The following DSCAM variants were observed in gnomAD, a reference collection of about 807,000 sequenced individuals.
The protein encoded by DSCAM is DS cell adhesion molecule.
A neutral mutation model predicts 217.7 loss-of-function variants in DSCAM; 47 were observed. That is an observed-to-expected ratio of 0.22 (90% CI 0.17 to 0.28). DSCAM has a LOEUF of 0.28. Ranked by LOEUF, DSCAM falls within the 10% of genes least tolerant of loss-of-function variation. The pLI is 1.00. For synonymous variants in DSCAM, 1,056 were observed against 1,015.3 expected, an observed-to-expected ratio of 1.04 and a Z score of -0.76; for missense variants, 2,080 against 2,618.3, an observed-to-expected ratio of 0.79 and a Z score of 4.49.
chr21:40,336,137 G>A (rs889991202), intron 8 of DSCAM, among the ~76,000 whole-genome samples: 1 of 152,254 alleles, frequency 6.6e-6, no homozygotes, highest in Admixed American at 6.5e-5. Flanking sequence ...CTCCTGAGCA[G>A]CACGGCTATT....
At chr21:40,419,787 T>C (rs943796170) in intron 3 of DSCAM, among the ~76,000 whole-genome samples, 2 of 152,300 alleles carry the variant, frequency 1.3e-5, no homozygotes, top group African/African-American at 4.8e-5. Context: ...ATCATCACCA[T>C]GTATAAAGTC....
intron 3 of DSCAM, among the ~76,000 whole-genome samples, chr21:40,408,781 A>T (rs1412969480): frequency 1.3e-5 from 2 of 152,208 alleles, no homozygotes; most frequent in Non-Finnish European, 2.9e-5. Context: ...TCACATGTGC[A>T]GTGCAGTCAC....
At chr21:40,243,873 G>A (rs2073186817) in intron 11 of DSCAM, among the ~76,000 whole-genome samples, 1 of 152,168 alleles carries the variant, frequency 6.6e-6, no homozygotes, top group Admixed American at 6.5e-5. Context: ...CCGGGGCAGT[G>A]ATCCACACAG....
intron 19 of DSCAM, among the ~76,000 whole-genome samples, 182 bp downstream of exon 19, chr21:40,133,672 A>T (rs1402584441): frequency 6.6e-6 from 1 of 152,220 alleles, no homozygotes; most frequent in Non-Finnish European, 1.5e-5. Flanking sequence ...GCAATGGATT[A>T]GACACATCAA....
At chr21:40,717,608 G>A (rs1199295702) in intron 1 of DSCAM, among the ~76,000 whole-genome samples, 1 of 152,188 alleles carries the variant, frequency 6.6e-6, no homozygotes, top group Non-Finnish European at 1.5e-5. Flanking sequence ...GTCCAGAAGA[G>A]GGAGATCTGT....
chr21:40,819,610 C>A (rs929609421), intron 1 of DSCAM, among the ~76,000 whole-genome samples: 6 of 152,140 alleles, frequency 3.9e-5, no homozygotes, highest in African/African-American at 1.4e-4. Context: ...TCATTGTGGG[C>A]CAAGCTGTTG....
intron 1 of DSCAM, among the ~76,000 whole-genome samples, chr21:40,739,565 A>G (rs2091100971): frequency 6.6e-6 from 1 of 152,116 alleles, no homozygotes; most frequent in Admixed American, 6.5e-5. Flanking sequence ...CTCTTCTTAT[A>G]AGGATGCCAG....
At chr21:40,128,139 C>G (rs1015358307) in intron 19 of DSCAM, among the ~76,000 whole-genome samples, 1 of 150,932 alleles carries the variant, frequency 6.6e-6, no homozygotes, top group Non-Finnish European at 1.5e-5. Flanking sequence ...GGTGATCTAT[C>G]AACGTCTGTC....
intron 5 of DSCAM, among the ~76,000 whole-genome samples, chr21:40,350,583 G>A (rs747618422): frequency 2.0e-5 from 3 of 152,084 alleles, no homozygotes; most frequent in Non-Finnish European, 4.4e-5. Flanking sequence ...GCAATAAATG[G>A]CTGTAATAAC....
intron 11 of DSCAM, among the ~76,000 whole-genome samples, chr21:40,269,481 C>T (rs561220991): frequency 6.6e-6 from 1 of 152,300 alleles, no homozygotes; most frequent in East Asian, 1.9e-4. Context: ...GTGGGCTTCC[C>T]TCCAACACAA....
chr21:40,766,682 A>C (rs2091393991), intron 1 of DSCAM, among the ~76,000 whole-genome samples: 1 of 124,178 alleles, frequency 8.1e-6, no homozygotes, highest in Non-Finnish European at 1.6e-5. Context: ...AAAAAAAAAA[A>C]AAAAAACAAC....
chr21:40,785,280 A>G (rs1011728389), intron 1 of DSCAM, among the ~76,000 whole-genome samples: 1 of 152,242 alleles, frequency 6.6e-6, no homozygotes, highest in Non-Finnish European at 1.5e-5. Flanking sequence ...CTGTGATAAC[A>G]CTAATAAGAA....
intron 20 of DSCAM, among the ~76,000 whole-genome samples, chr21:40,109,534 C>T (rs1037236848): frequency 1.2e-4 from 19 of 152,134 alleles, no homozygotes; most frequent in East Asian, 3.9e-4. Flanking sequence ...ACTGAGGTAC[C>T]GGGTTCATCT....
chr21:40,202,658 C>A (rs1416480780), intron 11 of DSCAM, among the ~76,000 whole-genome samples: 1 of 152,246 alleles, frequency 6.6e-6, no homozygotes, highest in East Asian at 1.9e-4. Context: ...TGGGCCAACG[C>A]CCAGTATTTT....
intron 3 of DSCAM, among the ~76,000 whole-genome samples, chr21:40,511,872 T>G (rs987742794): frequency 6.6e-6 from 1 of 151,058 alleles, no homozygotes; most frequent in African/African-American, 2.4e-5. Context: ...GCGCCTGTAG[T>G]CCCAGCTACT....
chr21:40,210,355 C>G (rs1211195919), intron 11 of DSCAM, among the ~76,000 whole-genome samples: 7 of 152,116 alleles, frequency 4.6e-5, no homozygotes, highest in Non-Finnish European at 1.0e-4. Flanking sequence ...TTGGCATTTA[C>G]TTTTACAAAG....
intron 32 of DSCAM, among the ~76,000 whole-genome samples, chr21:40,032,994 C>T (rs2088556935): frequency 6.6e-6 from 1 of 152,194 alleles, no homozygotes; most frequent in Admixed American, 6.5e-5. Context: ...AAGGCTACCC[C>T]AAACTGCTTT....
chr21:40,830,193 A>T (rs2092001373), intron 1 of DSCAM, among the ~76,000 whole-genome samples: 1 of 152,190 alleles, frequency 6.6e-6, no homozygotes, highest in African/African-American at 2.4e-5. Context: ...AGAAAGCCTC[A>T]AGAAGCTTAC....
At chr21:40,053,265 T>C (rs75641322) in intron 29 of DSCAM, among the ~76,000 whole-genome samples, 10,277 of 152,300 alleles carry the variant, frequency 0.067, 524 homozygotes, top group East Asian at 0.14. Context: ...TCTGTGAGTA[T>C]CCCAGCGCAT....
Sources: allele counts gnomAD v4.1 joint callset (sites outside exome capture counted in the v4.1 genomes callset), GRCh38; gene constraint gnomAD v4.1.1; transcripts MANE v1.5; gene names NCBI Gene and HGNC (gene_info 2026-07-23, HGNC 2026-07-21).